DLGAP2: variants seen among roughly 807,000 people sequenced by gnomAD.
DLGAP2 encodes disks large-associated protein 2.
DLGAP2 carries 26 observed loss-of-function variants against 100.3 expected under a neutral mutation model. The ratio of observed to expected loss-of-function variants is 0.26; its 90% CI spans 0.19 to 0.36. DLGAP2 has a LOEUF of 0.36. DLGAP2 is among the 10% of genes least tolerant of loss of function. DLGAP2 has a pLI of 1.00. For synonymous variants in DLGAP2, 886 were observed against 630.1 expected (o/e 1.41, Z -6.08); for missense variants, 1,858 against 1,453.2 (o/e 1.28, Z -4.53).
intron 3 of DLGAP2, among the ~76,000 whole-genome samples, chr8:1,278,033 G>C (rs1799739799): frequency 6.6e-6 from 1 of 152,208 alleles, no homozygotes; most frequent in Non-Finnish European, 1.5e-5. Context: ...GTCAGTAACA[G>C]CTTCTCAGTA....
chr8:1,289,347 C>G (rs536685690), intron 3 of DLGAP2, among the ~76,000 whole-genome samples: 1 of 152,336 alleles, frequency 6.6e-6, no homozygotes, highest in South Asian at 2.1e-4. Context: ...ACACATTTAA[C>G]AAGTCCTGGT....
At chr8:793,085 T>A (rs1795951747) in intron 1 of DLGAP2, among the ~76,000 whole-genome samples, 1 of 152,250 alleles carries the variant, frequency 6.6e-6, no homozygotes, top group South Asian at 2.1e-4. Flanking sequence ...TCAGCCCTCC[T>A]TTCTTCTTGC....
At chr8:1,222,182 T>C (rs1798328604) in intron 2 of DLGAP2, among the ~76,000 whole-genome samples, 2 of 152,260 alleles carry the variant, frequency 1.3e-5, no homozygotes, top group East Asian at 1.9e-4. Context: ...AGAGTTGTTG[T>C]GCTGGTTCTT....
At chr8:1,175,769 A>G (rs564897643) in intron 2 of DLGAP2, among the ~76,000 whole-genome samples, 2 of 152,230 alleles carry the variant, frequency 1.3e-5, no homozygotes, top group Admixed American at 1.3e-4. Context: ...CATTCACCCT[A>G]TACCTCATCG....
intron 6 of DLGAP2, among the ~76,000 whole-genome samples, chr8:1,588,036 A>T (rs1218508083): frequency 6.6e-6 from 1 of 152,190 alleles, no homozygotes; most frequent in African/African-American, 2.4e-5. Context: ...CGTGACTCCT[A>T]ATAGAGTTCT....
At chr8:1,012,807 C>A (rs1162863319) in intron 2 of DLGAP2, among the ~76,000 whole-genome samples, 3 of 151,232 alleles carry the variant, frequency 2.0e-5, no homozygotes, top group Non-Finnish European at 2.9e-5. Context: ...CACCCTCTGA[C>A]CAGCCCCCTA....
chr8:1,053,257 A>G (rs957387107), intron 2 of DLGAP2, among the ~76,000 whole-genome samples: 1 of 152,144 alleles, frequency 6.6e-6, no homozygotes, highest in South Asian at 2.1e-4. Flanking sequence ...TATTTGGGCA[A>G]ATTATTTAAT....
chr8:932,132 T>C (rs28369230), intron 2 of DLGAP2, among the ~76,000 whole-genome samples: 465 of 152,338 alleles, frequency 3.1e-3, no homozygotes, highest in African/African-American at 0.01. Flanking sequence ...AGCAAGTGTC[T>C]GATGTTTTTG....
chr8:1,571,374 GA>G (rs1215527767), intron 6 of DLGAP2, among the ~76,000 whole-genome samples: 131 of 106,890 alleles, frequency 1.2e-3, no homozygotes, highest in Non-Finnish European at 2.2e-3. Flanking sequence ...GGAGAGGAGA[GA>G]GGGGTGAACT....
rs143519231 is a variant in DLGAP2 at position 1,637,610 on chromosome 8, A to G, written c.1810+4564A>G. Among the ~76,000 whole-genome samples, 159 of 152,324 alleles carry G rather than the reference A, an allele frequency of 1.0e-3. 1 individual carries two copies. Among genetic ancestry groups the G allele is most frequent in the African/African-American group, 3.5e-3 (147 of 41,570 alleles). On this transcript the variant is annotated intron_variant, in intron 8 of 14. Transcript: ENST00000637795. ...TTAGAAATGTAAAAAATGAACTAGA[A>G]TAAAGAACAATCATCTTATATGCCA...
chr8:1,315,355 G>GT (rs144580962), intron 3 of DLGAP2, among the ~76,000 whole-genome samples: 18,927 of 123,730 alleles, frequency 0.15, 2,136 homozygotes, highest in African/African-American at 0.26. Context: ...TTTAAAAATA[G>GT]AGCCTATGCG....
intron 7 of DLGAP2, among the ~76,000 whole-genome samples, chr8:1,628,855 C>T (rs563198501): frequency 6.6e-6 from 1 of 152,348 alleles, no homozygotes; most frequent in South Asian, 2.1e-4. Flanking sequence ...TTATTCTGGG[C>T]TTCTGGGCCA....
At position 1,577,567 on chromosome 8, in the gene DLGAP2, C is replaced by CAA. The variant is rs10646663; in HGVS notation, c.1442+11695_1442+11696dup. Among the ~76,000 whole-genome samples the CAA allele has an allele frequency of 3.7e-3, 391 of 105,718 alleles. 12 individuals are homozygous for CAA. The highest frequency in any genetic ancestry group is 0.012 in the Middle Eastern group (2 of 162). The allele number at this position is 105,718 out of a possible 152,430, so 69.4% of individuals were successfully genotyped here. A position where few individuals can be genotyped will look rare whatever the true frequency, so the allele number is the denominator to read the frequency against. On this transcript the variant is annotated intron_variant, in intron 6 of 14. Coordinates refer to ENST00000637795, the MANE Select transcript of DLGAP2 (RefSeq NM_001346810.2). ...TGGGCCACAGAATTACACTCTCTCT[C>CAA]AAAAAAAAAAAAAAAAAAAAAAATT...
At chr8:972,075 A>G (rs753432273) in intron 2 of DLGAP2, among the ~76,000 whole-genome samples, 4 of 152,182 alleles carry the variant, frequency 2.6e-5, no homozygotes, top group Non-Finnish European at 5.9e-5. Flanking sequence ...GGGAAACCAA[A>G]AGTTGTAACA....
At chr8:1,687,889 A>C (rs188102613) in intron 12 of DLGAP2, among the ~76,000 whole-genome samples, 2 of 152,362 alleles carry the variant, frequency 1.3e-5, no homozygotes, top group Non-Finnish European at 1.5e-5. Context: ...TACTTAAAAT[A>C]GTCCCTTTAA....
intron 2 of DLGAP2, among the ~76,000 whole-genome samples, chr8:1,194,103 T>G (rs959760071): frequency 6.6e-6 from 1 of 152,008 alleles, no homozygotes; most frequent in African/African-American, 2.4e-5. Flanking sequence ...AAGTCCAGTT[T>G]TGACGCTGTG....
At chr8:1,046,794 A>AC (rs1329483024) in intron 2 of DLGAP2, among the ~76,000 whole-genome samples, 2 of 151,714 alleles carry the variant, frequency 1.3e-5, no homozygotes, top group African/African-American at 4.8e-5. Context: ...GGAATTTGTG[A>AC]TTTATTAAAT....
chr8:809,894 C>G (rs933890137), intron 1 of DLGAP2, among the ~76,000 whole-genome samples: 3 of 152,224 alleles, frequency 2.0e-5, no homozygotes, highest in Admixed American at 6.5e-5. Context: ...CTGGCTCTGA[C>G]TCGCCCAGAA....
chr8:1,414,250 G>C (rs2129896932), intron 3 of DLGAP2, among the ~76,000 whole-genome samples: 1 of 152,348 alleles, frequency 6.6e-6, no homozygotes. Flanking sequence ...GTGTTCTGTG[G>C]ACTCTTGTGG....
Sources: gnomAD v4.1 joint callset for allele counts (sites outside exome capture counted in the v4.1 genomes callset) on GRCh38, gnomAD v4.1.1 for gene constraint, MANE v1.5 for transcripts, NCBI Gene and HGNC (gene_info 2026-07-23, HGNC 2026-07-21) for gene names.